B3GALT1: variants seen among roughly 807,000 people sequenced by gnomAD.
B3GALT1 encodes the protein UDP-Gal:betaGlcNAc beta 1,3-galactosyltransferase, polypeptide 1.
A neutral mutation model predicts 23.2 loss-of-function variants in B3GALT1; 10 were observed. That is an observed-to-expected ratio of 0.43 (90% confidence interval 0.27 to 0.73). The LOEUF is 0.73. Ranked by LOEUF, B3GALT1 falls within the 30% of genes least tolerant of loss-of-function variation. The probability of loss-of-function intolerance (pLI) is 0.21; values close to 1 mark genes in which losing one functional copy is unlikely to be tolerated. For missense variants in B3GALT1, 299 were observed against 405.4 expected (o/e 0.74, Z 2.25); for synonymous variants, 156 against 141.5 (o/e 1.10, Z -0.73).
intron 1 of B3GALT1, among the ~76,000 whole-genome samples, chr2:167,467,900 G>A (rs1699371390): frequency 1.3e-5 from 2 of 151,934 alleles, no homozygotes; most frequent in Non-Finnish European, 2.9e-5. Context: ...ATGACATTGG[G>A]GTAAAGCAAA....
intron 3 of B3GALT1, among the ~76,000 whole-genome samples, chr2:167,680,473 G>A (rs768631660): frequency 2.6e-4 from 25 of 94,354 alleles, no homozygotes; most frequent in Non-Finnish European, 5.9e-4. Flanking sequence ...CTGGTGGTTT[G>A]CATGACATAG....
At chr2:167,702,124 T>C (rs1269565272) in intron 3 of B3GALT1, among the ~76,000 whole-genome samples, 1 of 152,118 alleles carries the variant, frequency 6.6e-6, no homozygotes, top group East Asian at 1.9e-4. Context: ...TGTGATGCAG[T>C]CCTCCACCAG....
chr2:167,823,210 C>T (rs1021822797), intron 4 of B3GALT1, among the ~76,000 whole-genome samples: 1 of 152,210 alleles, frequency 6.6e-6, no homozygotes, highest in Non-Finnish European at 1.5e-5. Flanking sequence ...TAGGTTGTTA[C>T]ACAAGAAATA....
chr2:167,693,728 A>G (rs1186543924), intron 3 of B3GALT1, among the ~76,000 whole-genome samples: 1 of 152,096 alleles, frequency 6.6e-6, no homozygotes, highest in Non-Finnish European at 1.5e-5. Context: ...ATTTGGTACT[A>G]TAGATTATCC....
intron 4 of B3GALT1, among the ~76,000 whole-genome samples, chr2:167,867,553 A>T (rs759208147): frequency 2.0e-5 from 3 of 152,198 alleles, no homozygotes; most frequent in Non-Finnish European, 2.9e-5. Context: ...AAGAAGATAT[A>T]TATTGTCTCT....
At chr2:167,367,299 T>C (rs2105266894) in intron 1 of B3GALT1, among the ~76,000 whole-genome samples, 1 of 152,318 alleles carries the variant, frequency 6.6e-6, no homozygotes. Context: ...AACTATTTTT[T>C]CCCCTTAAGC....
intron 4 of B3GALT1, among the ~76,000 whole-genome samples, chr2:167,819,129 A>G (rs1689057143): frequency 6.6e-6 from 1 of 152,188 alleles, no homozygotes; most frequent in Non-Finnish European, 1.5e-5. Flanking sequence ...ATTCATACTT[A>G]CAAGTGTCTA....
intron 1 of B3GALT1, among the ~76,000 whole-genome samples, chr2:167,314,144 A>G (rs901064002): frequency 6.6e-6 from 1 of 152,090 alleles, no homozygotes; most frequent in Non-Finnish European, 1.5e-5. Flanking sequence ...CTACTCATGT[A>G]TATATAAATG....
rs192876388 is a variant in B3GALT1, at chr2:167,821,687, A to G, written c.-230+2894A>G. ...TGACCTCAGGTGATCCACCCGCCTC[A>G]TCCTCCCAAAGTGCTGAGATTACAG... On this transcript the variant is annotated intron_variant, in intron 4 of 4. Transcript: ENST00000392690. 9.8e-3 allele frequency among the ~76,000 whole-genome samples: 1,487 copies of G among 152,172 alleles called. 30 individuals are homozygous for G. Among genetic ancestry groups the G allele is most frequent in the African/African-American group, 0.034 (1,417 of 41,530 alleles).
At chr2:167,537,146 G>A (rs1683442914) in intron 2 of B3GALT1, among the ~76,000 whole-genome samples, 2 of 152,142 alleles carry the variant, frequency 1.3e-5, no homozygotes, top group Non-Finnish European at 2.9e-5. Context: ...GGCAGAAGTT[G>A]AATGAGTAGC....
intron 2 of B3GALT1, among the ~76,000 whole-genome samples, chr2:167,536,572 C>T (rs1383528333): frequency 1.3e-5 from 2 of 152,186 alleles, no homozygotes; most frequent in Non-Finnish European, 2.9e-5. Context: ...CCCTTCTCTT[C>T]CTGCTCTCCA....
intron 2 of B3GALT1, among the ~76,000 whole-genome samples, chr2:167,603,879 TA>T (rs1353465122): frequency 6.8e-6 from 1 of 146,662 alleles, no homozygotes; most frequent in Non-Finnish European, 1.5e-5. Flanking sequence ...CTGAAGTCTT[TA>T]AAAGAAAAAG....
intron 2 of B3GALT1, among the ~76,000 whole-genome samples, chr2:167,510,217 C>G (rs1450717932): frequency 2.0e-5 from 3 of 152,018 alleles, no homozygotes; most frequent in African/African-American, 7.2e-5. Context: ...CATAAAATGT[C>G]TTCTTCATGT....
intron 2 of B3GALT1, among the ~76,000 whole-genome samples, chr2:167,557,441 A>G (rs1683874355): frequency 6.6e-6 from 1 of 152,206 alleles, no homozygotes; most frequent in Admixed American, 6.5e-5. Flanking sequence ...TATATTATTT[A>G]ATATCTAAAG....
chr2:167,725,638 T>A (rs1337431565), intron 3 of B3GALT1, among the ~76,000 whole-genome samples: 1 of 152,186 alleles, frequency 6.6e-6, no homozygotes, highest in Non-Finnish European at 1.5e-5. Context: ...TTTTGGACCC[T>A]TAATATAAGT....
intron 3 of B3GALT1, among the ~76,000 whole-genome samples, chr2:167,670,292 A>G (rs1396168205): frequency 2.0e-5 from 3 of 152,202 alleles, no homozygotes; most frequent in East Asian, 1.9e-4. Context: ...TTTAGAGAAA[A>G]CATGCAATCC....
chr2:167,793,845 C>G (rs1483430630), intron 3 of B3GALT1, among the ~76,000 whole-genome samples: 3 of 152,162 alleles, frequency 2.0e-5, no homozygotes, highest in African/African-American at 7.2e-5. Context: ...TAGACTGTGT[C>G]TCTCTATAAA....
intron 2 of B3GALT1, among the ~76,000 whole-genome samples, chr2:167,514,637 A>C (rs976848350): frequency 6.6e-6 from 1 of 152,230 alleles, no homozygotes; most frequent in Non-Finnish European, 1.5e-5. Context: ...TCTATATACT[A>C]AAGTTTAATA....
chr2:167,499,768 C>T (rs1190154894), intron 2 of B3GALT1, among the ~76,000 whole-genome samples: 1 of 152,012 alleles, frequency 6.6e-6, no homozygotes, highest in African/African-American at 2.4e-5. Flanking sequence ...CACCTCAGTG[C>T]CCTACATTAA....
Sources: allele counts gnomAD v4.1 joint callset (sites outside exome capture counted in the v4.1 genomes callset), GRCh38; gene constraint gnomAD v4.1.1; transcripts MANE v1.5; gene names NCBI Gene and HGNC (gene_info 2026-07-23, HGNC 2026-07-21).